The following PLD5 variants were observed in gnomAD, a reference collection of about 807,000 sequenced individuals.
PLD5 encodes the protein phospholipase D family member 5, also known as inactive phospholipase D5.
PLD5 carries 36 observed loss-of-function variants against 61.1 expected under a neutral mutation model. That is an observed-to-expected ratio of 0.59 (90% CI 0.45 to 0.78). The LOEUF is 0.78. Among genes scored for constraint, PLD5 ranks in the 30% least tolerant of loss-of-function variants. The pLI, the probability that PLD5 is intolerant of heterozygous loss-of-function variation, is 0.00. For missense variants in PLD5, 515 were observed against 644.4 expected (o/e 0.80, Z 2.17); for synonymous variants, 243 against 242.8 (o/e 1.00, Z -0.01).
chr1:242,176,885 A>T (rs1449013872), intron 5 of PLD5, among the ~76,000 whole-genome samples: 4 of 152,242 alleles, frequency 2.6e-5, no homozygotes, highest in Non-Finnish European at 5.9e-5. Context: ...ATACCATCTC[A>T]TACCAGTTAG....
chr1:242,429,614 T>C (rs955268344), intron 1 of PLD5, among the ~76,000 whole-genome samples: 6 of 152,198 alleles, frequency 3.9e-5, no homozygotes, highest in Non-Finnish European at 8.8e-5. Flanking sequence ...GAAATCTGCA[T>C]GAAATATTTT....
intron 5 of PLD5, among the ~76,000 whole-genome samples, chr1:242,200,556 T>A (rs529161201): frequency 3.3e-5 from 5 of 152,202 alleles, no homozygotes; most frequent in African/African-American, 1.2e-4. Flanking sequence ...TACTGCTGTA[T>A]ATGTGGGATG....
At chr1:242,348,808 A>T (rs550618919) in intron 1 of PLD5, among the ~76,000 whole-genome samples, 1 of 152,112 alleles carries the variant, frequency 6.6e-6, no homozygotes, top group South Asian at 2.1e-4. Context: ...TAATCCTAGC[A>T]CTTTGGGAGG....
intron 1 of PLD5, among the ~76,000 whole-genome samples, chr1:242,516,100 T>C (rs1250116990): frequency 6.6e-6 from 1 of 152,078 alleles, no homozygotes; most frequent in African/African-American, 2.4e-5. Flanking sequence ...TTGATTATCC[T>C]CTTTTGTGAA....
intron 2 of PLD5, among the ~76,000 whole-genome samples, chr1:242,340,884 T>C (rs1418935635): frequency 6.6e-6 from 1 of 152,090 alleles, no homozygotes; most frequent in Non-Finnish European, 1.5e-5. Flanking sequence ...GAACAATTCT[T>C]TAGTACCATA....
intron 1 of PLD5, among the ~76,000 whole-genome samples, chr1:242,481,124 C>G (rs1667760002): frequency 6.6e-6 from 1 of 152,144 alleles, no homozygotes; most frequent in Admixed American, 6.5e-5. Context: ...GTACAGCTCC[C>G]AGCCTGAGCG....
chr1:242,153,889 G>C (rs1665137231), intron 5 of PLD5, among the ~76,000 whole-genome samples: 1 of 151,998 alleles, frequency 6.6e-6, no homozygotes, highest in South Asian at 2.1e-4. Context: ...ATTTGGTGAA[G>C]AAAGTCAAGA....
intron 1 of PLD5, among the ~76,000 whole-genome samples, chr1:242,432,318 A>G (rs554074954): frequency 6.6e-6 from 1 of 152,348 alleles, no homozygotes; most frequent in East Asian, 1.9e-4. Context: ...ATAAAATATT[A>G]GAAGGAAGCT....
intron 4 of PLD5, among the ~76,000 whole-genome samples, chr1:242,231,940 A>G (rs912328235): frequency 1.4e-5 from 2 of 140,692 alleles, no homozygotes; most frequent in Non-Finnish European, 3.1e-5. Flanking sequence ...TAAAATAAGG[A>G]AAAAAAAAAA....
At chr1:242,446,743 G>A (rs750471738) in intron 1 of PLD5, among the ~76,000 whole-genome samples, 8 of 152,126 alleles carry the variant, frequency 5.3e-5, no homozygotes, top group South Asian at 2.1e-4. Flanking sequence ...AGGTGACATC[G>A]GGAAGGAAGA....
chr1:242,094,517 A>G (rs1660076388), intron 9 of PLD5, among the ~76,000 whole-genome samples: 1 of 152,190 alleles, frequency 6.6e-6, no homozygotes, highest in African/African-American at 2.4e-5. Flanking sequence ...ATGACTTAGG[A>G]GATCAGAACA....
At chr1:242,289,216 A>G (rs980808980) in intron 2 of PLD5, among the ~76,000 whole-genome samples, 6 of 152,224 alleles carry the variant, frequency 3.9e-5, no homozygotes, top group Admixed American at 1.3e-4. Flanking sequence ...TATTGACAAT[A>G]TATCTGTTGT....
At chr1:242,368,817 T>G (rs1003668824) in intron 1 of PLD5, among the ~76,000 whole-genome samples, 2 of 152,232 alleles carry the variant, frequency 1.3e-5, no homozygotes, top group Non-Finnish European at 2.9e-5. Flanking sequence ...TATTTGTGTT[T>G]GCAGCTCCAT....
At position 242,138,185 on chromosome 1, in the gene PLD5, T is replaced by G. The variant is rs79114225; in HGVS notation, c.736-13520A>C. Among the ~76,000 whole-genome samples the G allele has an allele frequency of 5.1e-3, 774 of 152,296 alleles. 18 individuals carry two copies. The East Asian group carries it at 0.057, about 11-fold the overall frequency. ...TAAATAATTTAATCCAATAATTAAA[T>G]ACTGAGCATCTCTCACATACAAGGC... On this transcript the variant is annotated intron_variant, in intron 5 of 9. Coordinates refer to ENST00000536534, the MANE Select transcript of PLD5 (RefSeq NM_001372062.1).
intron 2 of PLD5, among the ~76,000 whole-genome samples, chr1:242,342,946 A>T (rs1337161102): frequency 6.6e-6 from 1 of 152,208 alleles, no homozygotes; most frequent in African/African-American, 2.4e-5. Flanking sequence ...AAGAAATAAA[A>T]CAAGACAAAA....
At chr1:242,202,923 G>C (rs1669073211) in intron 5 of PLD5, among the ~76,000 whole-genome samples, 1 of 152,102 alleles carries the variant, frequency 6.6e-6, no homozygotes, top group African/African-American at 2.4e-5. Flanking sequence ...CCAGGTGTGA[G>C]AGGGGGTCTT....
At chr1:242,421,176 CAA>C (rs5782234) in intron 1 of PLD5, among the ~76,000 whole-genome samples, 8,864 of 64,812 alleles carry the variant, frequency 0.14, 403 homozygotes, top group African/African-American at 0.3. Flanking sequence ...GACTCCACCT[CAA>C]AAAAAAAAAA....
At chr1:242,366,377 A>G (rs1307813227) in intron 1 of PLD5, among the ~76,000 whole-genome samples, 1 of 152,142 alleles carries the variant, frequency 6.6e-6, no homozygotes, top group African/African-American at 2.4e-5. Flanking sequence ...TCAGTTACAC[A>G]GTTTTCTTAT....
At chr1:242,522,789 A>C (rs899974085) in intron 1 of PLD5, among the ~76,000 whole-genome samples, 2 of 152,214 alleles carry the variant, frequency 1.3e-5, no homozygotes, top group Admixed American at 6.5e-5. Flanking sequence ...GCCATCCTAG[A>C]AACCTTCAGC....
Sources: allele counts gnomAD v4.1 joint callset (sites outside exome capture counted in the v4.1 genomes callset), GRCh38; gene constraint gnomAD v4.1.1; transcripts MANE v1.5; gene names NCBI Gene and HGNC (gene_info 2026-07-23, HGNC 2026-07-21).